DPYD: variants seen among roughly 807,000 people sequenced by gnomAD.
The protein encoded by DPYD is dihydropyrimidine dehydrogenase.
In DPYD, 109 loss-of-function variants were observed where a neutral mutation model predicts 116.2. The observed-to-expected ratio is 0.94, with a 90% CI of 0.80 to 1.10. DPYD has a LOEUF of 1.10. Ranked by LOEUF, DPYD falls within the 50% of genes least tolerant of loss-of-function variation. DPYD has a pLI of 0.00. For synonymous variants in DPYD, 440 were observed against 432.0 expected (o/e 1.02, Z -0.23); for missense variants, 1,302 against 1,254.5 (o/e 1.04, Z -0.57).
At chr1:97,470,922 G>A (rs559542038) in intron 13 of DPYD, among the ~76,000 whole-genome samples, 6 of 152,060 alleles carry the variant, frequency 3.9e-5, no homozygotes, top group African/African-American at 7.2e-5. Flanking sequence ...CCCAGGAGGC[G>A]GAGATTGTAG....
intron 2 of DPYD, among the ~76,000 whole-genome samples, chr1:97,832,860 T>A (rs1669601335): frequency 6.6e-6 from 1 of 152,074 alleles, no homozygotes; most frequent in South Asian, 2.1e-4. Flanking sequence ...AAGAAAATAA[T>A]ATACAAGGAG....
intron 15 of DPYD, among the ~76,000 whole-genome samples, chr1:97,374,375 A>G (rs1297376617): frequency 6.6e-6 from 1 of 152,190 alleles, no homozygotes. Flanking sequence ...GAATCTTAGA[A>G]TTCGTGGGAA....
At chr1:97,178,042 C>T (rs937468155) in intron 20 of DPYD, among the ~76,000 whole-genome samples, 1 of 152,074 alleles carries the variant, frequency 6.6e-6, no homozygotes, top group African/African-American at 2.4e-5. Context: ...AATAGCATCA[C>T]CTTGGCAGTT....
At chr1:97,850,308 C>T (rs1322087114) in intron 2 of DPYD, among the ~76,000 whole-genome samples, 1 of 152,120 alleles carries the variant, frequency 6.6e-6, no homozygotes, top group Non-Finnish European at 1.5e-5. Flanking sequence ...ACCTTTCTTG[C>T]AAATGGTAAA....
chr1:97,565,159 C>T (rs1043915535), intron 11 of DPYD, among the ~76,000 whole-genome samples: 14 of 152,054 alleles, frequency 9.2e-5, no homozygotes, highest in African/African-American at 3.1e-4. Context: ...TGGGATCATA[C>T]CCTGTGACTG....
intron 3 of DPYD, among the ~76,000 whole-genome samples, chr1:97,775,917 C>A (rs1666378729): frequency 1.3e-5 from 2 of 152,126 alleles, no homozygotes; most frequent in South Asian, 4.1e-4. Context: ...AAATAATTTT[C>A]TATGATGTGT....
chr1:97,302,855 T>C (rs950276333), intron 18 of DPYD, among the ~76,000 whole-genome samples: 2 of 152,028 alleles, frequency 1.3e-5, no homozygotes, highest in Admixed American at 6.6e-5. Flanking sequence ...CTAAACTTGA[T>C]TGCATAGTAT....
intron 5 of DPYD, chr1:97,719,902 T>C (rs1168124526): frequency 3.0e-6 from 3 of 984,994 alleles, no homozygotes; most frequent in Non-Finnish European, 3.6e-6. Context: ...GCAGTCCTAA[T>C]CTATGCATAA....
intron 16 of DPYD, among the ~76,000 whole-genome samples, chr1:97,352,112 G>GA (rs1287440947): frequency 6.6e-6 from 1 of 152,072 alleles, no homozygotes; most frequent in African/African-American, 2.4e-5. Flanking sequence ...TTTTCAAGCA[G>GA]AAAAAAGTCC....
intron 18 of DPYD, among the ~76,000 whole-genome samples, chr1:97,294,772 G>A (rs2100999741): frequency 6.6e-6 from 1 of 152,278 alleles, no homozygotes; most frequent in African/African-American, 2.4e-5. Flanking sequence ...CAAGAAAAAT[G>A]CCTGAATGAT....
At chr1:97,280,036 T>G (rs895772997) in intron 18 of DPYD, 29 of 152,116 alleles carry the variant, frequency 1.9e-4, no homozygotes, top group African/African-American at 7.0e-4. Flanking sequence ...CTGAAGATAC[T>G]CACATTTGTC....
At chr1:97,113,274 T>C (rs1454352751) in intron 20 of DPYD, among the ~76,000 whole-genome samples, 1 of 152,134 alleles carries the variant, frequency 6.6e-6, no homozygotes, top group Non-Finnish European at 1.5e-5. Flanking sequence ...AGGGATGGTT[T>C]TTCCATTTAG....
chr1:97,744,301 CA>C (rs1664429121), intron 3 of DPYD, among the ~76,000 whole-genome samples: 1 of 151,994 alleles, frequency 6.6e-6, no homozygotes, highest in African/African-American at 2.4e-5. Flanking sequence ...AAACAAGCGG[CA>C]TTTCATTCTT....
chr1:97,493,808 G>A (rs953530928), intron 13 of DPYD, among the ~76,000 whole-genome samples: 2 of 152,142 alleles, frequency 1.3e-5, no homozygotes, highest in African/African-American at 4.8e-5. Context: ...AATTCTACCC[G>A]CAGCAAAATG....
At position 97,694,859 on chromosome 1, in the gene DPYD, C is replaced by G. The variant is rs569287333; in HGVS notation, c.681-3061G>C. Reference sequence around the variant, plus strand: ...GTCCTCTGCCAAAATAAAAAAAATTCTCTGGTGAGTCTAAATTCTAAACAA... The same window carrying G: ...GTCCTCTGCCAAAATAAAAAAAATTGTCTGGTGAGTCTAAATTCTAAACAA... On this transcript the variant is annotated intron_variant, in intron 6 of 22. Coordinates refer to ENST00000370192, the MANE Select transcript of DPYD (RefSeq NM_000110.4). 2.0e-5 allele frequency among the ~76,000 whole-genome samples: 3 copies of G among 152,270 alleles called. No homozygotes were observed. The South Asian group carries it at 6.2e-4, about 32-fold the overall frequency.
chr1:97,921,033 C>CT lies in DPYD; in HGVS notation c.-112dup. On this transcript the variant is annotated 5_prime_UTR_variant, in exon 1 of 23. Coordinates refer to ENST00000370192, the MANE Select transcript of DPYD (RefSeq NM_000110.4). ...GGAGCGCGAGTCGAAAACAGGCAGA[C>CT]TAGGGCCGGCGGCGCGGGGGCGGAG... 1 of 1,378,936 alleles carries CT rather than the reference C, an allele frequency of 7.3e-7. No individual in the cohort carries two copies. The highest frequency in any genetic ancestry group is 1.3e-5 in the South Asian group (1 of 79,354). 85.4% of individuals were successfully genotyped at this position (1,378,936 alleles called of 1,614,324 possible). A position where few individuals can be genotyped will look rare whatever the true frequency, so the allele number is the denominator to read the frequency against.
intron 2 of DPYD, among the ~76,000 whole-genome samples, chr1:97,868,504 A>G (rs928438791): frequency 2.0e-5 from 3 of 151,894 alleles, no homozygotes; most frequent in African/African-American, 7.2e-5. Flanking sequence ...TAAAATATTA[A>G]TAATAAAAAG....
At chr1:97,432,797 C>G (rs1675255892) in intron 14 of DPYD, among the ~76,000 whole-genome samples, 1 of 152,148 alleles carries the variant, frequency 6.6e-6, no homozygotes, top group Non-Finnish European at 1.5e-5. Flanking sequence ...TACAGTTAAG[C>G]AGAGTCTGGG....
At chr1:97,540,742 C>T (rs1327215736) in intron 12 of DPYD, among the ~76,000 whole-genome samples, 1 of 152,162 alleles carries the variant, frequency 6.6e-6, no homozygotes, top group African/African-American at 2.4e-5. Context: ...GGGAGCAGGG[C>T]TGAAAGTCCC....
Sources: gnomAD v4.1 joint callset for allele counts (sites outside exome capture counted in the v4.1 genomes callset) on GRCh38, gnomAD v4.1.1 for gene constraint, MANE v1.5 for transcripts, NCBI Gene and HGNC (gene_info 2026-07-23, HGNC 2026-07-21) for gene names.